The following PKIA variants were observed in gnomAD, a reference collection of about 807,000 sequenced individuals.
The protein encoded by PKIA is cAMP-dependent protein kinase inhibitor alpha.
In PKIA, 4 loss-of-function variants were observed where a neutral mutation model predicts 7.6. The ratio of observed to expected loss-of-function variants is 0.52; its 90% CI spans 0.26 to 1.20. The LOEUF (loss-of-function observed/expected upper bound fraction) is 1.20, where lower values mean the gene tolerates loss of function less well. PKIA is among the 50% of genes most tolerant of loss of function. The pLI, the probability that PKIA is intolerant of heterozygous loss-of-function variation, is 0.13. For synonymous variants in PKIA, 21 were observed against 30.7 expected, an observed-to-expected ratio of 0.68 and a Z score of 1.04; for missense variants, 73 against 86.2, an observed-to-expected ratio of 0.85 and a Z score of 0.61.
intron 1 of PKIA, among the ~76,000 whole-genome samples, chr8:78,524,067 T>TA (rs1446307963): frequency 2.4e-5 from 2 of 82,994 alleles, no homozygotes; most frequent in African/African-American, 1.5e-4. Flanking sequence ...AACATTTATA[T>TA]TTATATATAA....
intron 1 of PKIA, among the ~76,000 whole-genome samples, chr8:78,523,181 G>A (rs1395138949): frequency 6.6e-6 from 1 of 151,748 alleles, no homozygotes; most frequent in Non-Finnish European, 1.5e-5. Context: ...AAAACTAAAG[G>A]GTTGCTAGAA....
intron 1 of PKIA, among the ~76,000 whole-genome samples, chr8:78,544,970 T>C (rs947871568): frequency 2.6e-5 from 4 of 152,136 alleles, no homozygotes; most frequent in African/African-American, 9.7e-5. Context: ...CCATTATATG[T>C]CATATATTCT....
intron 1 of PKIA, among the ~76,000 whole-genome samples, chr8:78,527,190 T>C (rs1339206865): frequency 6.6e-6 from 1 of 152,032 alleles, no homozygotes; most frequent in Non-Finnish European, 1.5e-5. Flanking sequence ...CAAGCCAATA[T>C]TGTTAATCCC....
At chr8:78,542,343 T>C (rs1806714706) in intron 1 of PKIA, among the ~76,000 whole-genome samples, 2 of 152,124 alleles carry the variant, frequency 1.3e-5, no homozygotes, top group Admixed American at 6.6e-5. Context: ...TCAACTACAG[T>C]TCACCAAGCT....
At chr8:78,545,846 C>T (rs1806808289) in intron 1 of PKIA, among the ~76,000 whole-genome samples, 1 of 152,108 alleles carries the variant, frequency 6.6e-6, no homozygotes, top group Non-Finnish European at 1.5e-5. Context: ...TGACTCCTTC[C>T]TTGGAAAGGG....
chr8:78,521,892 A>G (rs1395270323), intron 1 of PKIA, among the ~76,000 whole-genome samples: 2 of 151,916 alleles, frequency 1.3e-5, no homozygotes, highest in Admixed American at 6.6e-5. Flanking sequence ...GGTAAACACT[A>G]TTCTACTCTC....
At chr8:78,522,042 T>C (rs1183917708) in intron 1 of PKIA, among the ~76,000 whole-genome samples, 4 of 151,972 alleles carry the variant, frequency 2.6e-5, no homozygotes, top group Non-Finnish European at 5.9e-5. Flanking sequence ...TTCATCCATA[T>C]TTCAGCATGT....
At chr8:78,585,130 G>A (rs1807917657) in intron 2 of PKIA, among the ~76,000 whole-genome samples, 1 of 151,816 alleles carries the variant, frequency 6.6e-6, no homozygotes, top group Admixed American at 6.6e-5. Flanking sequence ...TATTTTGTTA[G>A]TATAGCGATT....
intron 1 of PKIA, among the ~76,000 whole-genome samples, chr8:78,533,654 G>A (rs908030241): frequency 2.0e-5 from 3 of 151,946 alleles, no homozygotes; most frequent in Admixed American, 2.0e-4. Flanking sequence ...CCAGTAGTTC[G>A]AGACCAGCCA....
At chr8:78,601,042 T>C (rs923208899) in intron 3 of PKIA, among the ~76,000 whole-genome samples, 5 of 152,112 alleles carry the variant, frequency 3.3e-5, no homozygotes, top group South Asian at 2.1e-4. Context: ...CTTGCACTTA[T>C]ATAAAGTGAC....
intron 1 of PKIA, among the ~76,000 whole-genome samples, chr8:78,569,144 T>C (rs1426623168): frequency 2.0e-5 from 3 of 152,186 alleles, no homozygotes; most frequent in Non-Finnish European, 4.4e-5. Flanking sequence ...GGAGGCACTG[T>C]ACTTTCCTTC....
At chr8:78,581,961 T>C (rs1354083203) in intron 2 of PKIA, among the ~76,000 whole-genome samples, 8 of 152,072 alleles carry the variant, frequency 5.3e-5, no homozygotes, top group African/African-American at 1.9e-4. Flanking sequence ...AAATAAGCCA[T>C]TTTTACTGTC....
chr8:78,542,868 A>G (rs1309771069), intron 1 of PKIA, among the ~76,000 whole-genome samples: 2 of 152,126 alleles, frequency 1.3e-5, no homozygotes, highest in East Asian at 3.8e-4. Flanking sequence ...TCTCGTATCC[A>G]TCTGAAGATG....
chr8:78,584,210 C>G (rs1020069911), intron 2 of PKIA, among the ~76,000 whole-genome samples: 4 of 151,650 alleles, frequency 2.6e-5, no homozygotes, highest in Admixed American at 2.0e-4. Flanking sequence ...GCCTTTGCAA[C>G]CAATCAAATA....
At chr8:78,527,243 G>A (rs554556011) in intron 1 of PKIA, among the ~76,000 whole-genome samples, 3 of 152,106 alleles carry the variant, frequency 2.0e-5, no homozygotes, top group Non-Finnish European at 4.4e-5. Context: ...AAAGGCTTGA[G>A]GGGTAAATTT....
At chr8:78,519,084 G>A (rs1189733227) in intron 1 of PKIA, among the ~76,000 whole-genome samples, 2 of 151,860 alleles carry the variant, frequency 1.3e-5, no homozygotes, top group African/African-American at 2.4e-5. Context: ...GGACGTGCAT[G>A]ATTAGATGCT....
intron 1 of PKIA, among the ~76,000 whole-genome samples, chr8:78,545,491 T>C (rs995955106): frequency 1.1e-4 from 16 of 152,042 alleles, no homozygotes; most frequent in African/African-American, 3.9e-4. Context: ...TGCTGGAAAA[T>C]TGAGATAAAG....
rs551851539 is a variant in PKIA at position 78,564,718 on chromosome 8, AAC to A, written c.-156-8089_-156-8088del. 2.8e-3 allele frequency among the ~76,000 whole-genome samples: 428 copies of A among 152,026 alleles called. 4 individuals are homozygous for A. Among genetic ancestry groups the A allele is most frequent in the African/African-American group, 9.7e-3 (402 of 41,550 alleles). ...CATGTGTAATAACAAAAAAAATGGA[AAC>A]ACATTTAATTTCAACAATAAGAAAA... On this transcript the variant is annotated intron_variant, in intron 1 of 3. Transcript: ENST00000396418.
chr8:78,564,517 A>G (rs556170489), intron 1 of PKIA, among the ~76,000 whole-genome samples: 39 of 152,158 alleles, frequency 2.6e-4, no homozygotes, highest in African/African-American at 7.9e-4. Flanking sequence ...ATATCACAAT[A>G]TCTTATTTTG....
Sources: allele counts gnomAD v4.1 joint callset (sites outside exome capture counted in the v4.1 genomes callset), GRCh38; gene constraint gnomAD v4.1.1; transcripts MANE v1.5; gene names NCBI Gene and HGNC (gene_info 2026-07-23, HGNC 2026-07-21).